Variants in KHDC4 observed in about 807,000 individuals in gnomAD.
KHDC4 encodes KH domain containing 4, pre-mRNA splicing factor.
Under a neutral mutation model 74.5 loss-of-function variants are expected in KHDC4, and 19 were observed. The ratio of observed to expected loss-of-function variants is 0.26; its 90% confidence interval spans 0.18 to 0.37. The LOEUF is 0.37. Ranked by LOEUF, KHDC4 falls within the 10% of genes least tolerant of loss-of-function variation. KHDC4 has a pLI of 1.00. For missense variants in KHDC4, 632 were observed against 754.1 expected (o/e 0.84, Z 1.90); for synonymous variants, 253 against 266.1 (o/e 0.95, Z 0.48).
chr1:155,926,502 G>T, intron 6 of KHDC4, 174 bp downstream of exon 6: 1 of 639,496 alleles, frequency 1.6e-6, no homozygotes. Context: ...GGTAATGTTC[G>T]TGACGGGGTT....
chr1:155,914,519 C>A, intron 13 of KHDC4, 199 bp from the exon 14 acceptor site: 1 of 491,810 alleles, frequency 2.0e-6, no homozygotes, highest in Non-Finnish European at 3.6e-6. Context: ...TGTGAATCCA[C>A]CAGAACCATG....
chr1:155,923,973 C>CA (rs1226608912), intron 7 of KHDC4, among the ~76,000 whole-genome samples: 1 of 152,132 alleles, frequency 6.6e-6, no homozygotes, highest in Non-Finnish European at 1.5e-5. Flanking sequence ...TTAATATTGA[C>CA]ATAGGTTTAA....
intron 4 of KHDC4, among the ~76,000 whole-genome samples, chr1:155,928,719 GA>G: frequency 6.6e-6 from 1 of 151,964 alleles, no homozygotes; most frequent in East Asian, 1.9e-4. Context: ...TTGGGAGGCC[GA>G]GGGGGGTGGA....
In KHDC4 at chr1:155,933,815, G is replaced by C; in HGVS notation, c.73C>G (p.Pro25Ala). ...RSKWDQPAPA[P>A]LLFLPPAAPG... ...GCCGCTGGCGGGAGGAAGAGAAGTG[G>C]GGCTGGAGCTGGTTGGTCCCATTTG... Residue 25 changes from proline to alanine, a missense_variant, in exon 2 of 14, where the codon CCA becomes GCA. Pro to Ala is a conservative substitution (Grantham distance 27). This residue lies in a region of KHDC4 where 104 missense variants were observed against 78.1 expected (regional missense o/e 1.33). Coordinates refer to ENST00000368321, the MANE Select transcript of KHDC4 (RefSeq NM_014949.4). 6.3e-7 allele frequency: 1 copy of C among 1,586,578 alleles called. No individual in the cohort carries two copies. The highest frequency in any genetic ancestry group is 8.6e-7 in the Non-Finnish European group (1 of 1,164,814).
chr1:155,923,123 T>C (rs1262455829), intron 8 of KHDC4, among the ~76,000 whole-genome samples: 2 of 148,850 alleles, frequency 1.3e-5, no homozygotes. Flanking sequence ...GAGAATGGCG[T>C]GAACCCGGGA....
At chr1:155,928,899 C>T (rs1425459698) in intron 4 of KHDC4, among the ~76,000 whole-genome samples, 2 of 150,248 alleles carry the variant, frequency 1.3e-5, no homozygotes, top group African/African-American at 4.9e-5. Flanking sequence ...TTGAAGTGAG[C>T]CGAGATCACG....
At position 155,913,974 on chromosome 1, in the gene KHDC4, C is replaced by A. The variant is rs553515581; in HGVS notation, c.*147G>T. 104 of 637,822 alleles carry A rather than the reference C, an allele frequency of 1.6e-4. 1 individual carries two copies. Among genetic ancestry groups the A allele is most frequent in the East Asian group, 1.2e-3 (43 of 36,602 alleles). The allele number at this position is 637,822 out of a possible 1,614,324, so 39.5% of individuals were successfully genotyped here. ...AAGGATTTTTGTGGTTGTTAAGGAACCCCTTTAAGAAAGGGGGGCACTGAA... is the reference window on the plus strand; with the variant it reads ...AAGGATTTTTGTGGTTGTTAAGGAAACCCTTTAAGAAAGGGGGGCACTGAA... On this transcript the variant is annotated 3_prime_UTR_variant, in exon 14 of 14. Transcript: ENST00000368321.
At chr1:155,924,442 G>A (rs1673937768) in intron 7 of KHDC4, among the ~76,000 whole-genome samples, 1 of 151,768 alleles carries the variant, frequency 6.6e-6, no homozygotes, top group Non-Finnish European at 1.5e-5. Context: ...TCAATCTCCT[G>A]ACCTGATTCA....
intron 10 of KHDC4, among the ~76,000 whole-genome samples, chr1:155,920,963 G>C (rs1490992395): frequency 6.6e-6 from 1 of 152,176 alleles, no homozygotes; most frequent in Non-Finnish European, 1.5e-5. Flanking sequence ...CCTGCCACCT[G>C]TTTTGTAAAT....
At chr1:155,928,235 G>A (rs1004096460) in intron 4 of KHDC4, among the ~76,000 whole-genome samples, 3 of 152,060 alleles carry the variant, frequency 2.0e-5, no homozygotes, top group African/African-American at 7.2e-5. Context: ...TTAGCCGGGT[G>A]TGGTGGCGCA....
intron 10 of KHDC4, chr1:155,920,192 G>A (rs367590347): frequency 9.7e-4 from 233 of 239,580 alleles, no homozygotes; most frequent in African/African-American, 5.1e-3. Context: ...GTAATCCCAG[G>A]ACTTGGGGAG....
At chr1:155,918,875 A>G (rs66466805) in intron 10 of KHDC4, among the ~76,000 whole-genome samples, 43,550 of 151,880 alleles carry the variant, frequency 0.29, 6,979 homozygotes, top group East Asian at 0.75. Context: ...CATCTAAGGA[A>G]AACCAAACCC....
At chr1:155,926,984 G>A (rs1674015121) in intron 5 of KHDC4, 120 bp downstream of exon 5, 7 of 1,302,186 alleles carry the variant, frequency 5.4e-6, no homozygotes, top group Admixed American at 1.7e-5. Flanking sequence ...ATACAAATTC[G>A]TGTATAGTTC....
chr1:155,920,548 T>A (rs1055639132), intron 10 of KHDC4, among the ~76,000 whole-genome samples: 4 of 152,202 alleles, frequency 2.6e-5, no homozygotes, highest in African/African-American at 7.2e-5. Flanking sequence ...TGTTGCTTTT[T>A]AAAATTTTTT....
At chr1:155,921,220 A>C in intron 10 of KHDC4, 155 bp downstream of exon 10, 1 of 827,512 alleles carries the variant, frequency 1.2e-6, no homozygotes. Context: ...ACACTAATCC[A>C]AAATATTCAG....
In KHDC4 at chr1:155,921,403, T is replaced by C; in HGVS notation, c.1238A>G (p.Gln413Arg). ...TCCAGTGCTAGCTGGAGGCTGCACT[T>C]GTGTTATCGGGTATTGTGTTGGCAC... ...PPVPTQYPIT[Q>R]VQPPASTGQS... The change falls in exon 10 of 14, where the codon CAA (glutamine) becomes CGA (arginine). Residue 413 changes from glutamine to arginine, a missense_variant. Gln to Arg is a conservative substitution (Grantham distance 43, BLOSUM62 1). Transcript: ENST00000368321. 1 of 1,614,052 alleles carries C rather than the reference T, an allele frequency of 6.2e-7. No individual in the cohort carries two copies. The highest frequency in any genetic ancestry group is 8.5e-7 in the Non-Finnish European group (1 of 1,179,968).
At chr1:155,914,402 A>T in intron 13 of KHDC4, 82 bp from the exon 14 acceptor site, 1 of 1,179,794 alleles carries the variant, frequency 8.5e-7, no homozygotes, top group Non-Finnish European at 1.2e-6. Flanking sequence ...ATTAAAAAAA[A>T]GATGTTAATT....
intron 9 of KHDC4, 72 bp from the exon 10 acceptor site, chr1:155,921,700 A>T: frequency 6.5e-7 from 1 of 1,546,084 alleles, no homozygotes; most frequent in South Asian, 1.2e-5. Context: ...ATTAAACTTA[A>T]TATCTAGGGA....
Position 155,921,506 on chromosome 1 carries a change from C to A in KHDC4, c.1135G>T (p.Gly379Ter). The change falls in exon 10 of 14, where the codon GGA (glycine) becomes TGA (stop). Residue 379 changes from glycine to a stop codon, truncating the protein, a stop_gained. Coordinates refer to ENST00000368321, the MANE Select transcript of KHDC4 (RefSeq NM_014949.4). LOFTEE classifies it high-confidence loss of function. ...GCTGGTGGCACTATGCTTGGTACTC[C>A]GTAGGGAGGTTGAACTGGCTGCTGA... ...PPQQPVQPPY[G>*]VPSIVPPAVS... The A allele has an allele frequency of 6.2e-7, 1 of 1,613,990 alleles. No individual in the cohort carries two copies. Among genetic ancestry groups the A allele is most frequent in the Non-Finnish European group, 8.5e-7 (1 of 1,179,998 alleles).
Sources: allele counts gnomAD v4.1 joint callset (sites outside exome capture counted in the v4.1 genomes callset), GRCh38; gene constraint gnomAD v4.1.1; regional missense constraint gnomAD v4.1.1; transcripts MANE v1.5; gene names NCBI Gene and HGNC (gene_info 2026-07-23, HGNC 2026-07-21).